B3GALT5: variants seen among roughly 807,000 people sequenced by gnomAD.
The protein encoded by B3GALT5 is UDP-Gal:betaGlcNAc beta 1,3-galactosyltransferase, polypeptide 5.
For synonymous variants in B3GALT5, 156 were observed against 158.6 expected, an observed-to-expected ratio of 0.98 and a Z score of 0.12; for missense variants, 328 against 396.6, an observed-to-expected ratio of 0.83 and a Z score of 1.47.
chr21:39,652,284 G>A (rs1187288075), intron 2 of B3GALT5, among the ~76,000 whole-genome samples: 1 of 152,220 alleles, frequency 6.6e-6, no homozygotes, highest in Non-Finnish European at 1.5e-5. Flanking sequence ...TATGGAAAGT[G>A]TACACCCTGT....
chr21:39,669,739 G>A lies in B3GALT5; in HGVS notation c.*8247G>A, dbSNP rs1020393937. 2.6e-5 allele frequency: 4 copies of A among 152,146 alleles called. No individual in the cohort carries two copies. Among genetic ancestry groups the A allele is most frequent in the Admixed American group, 6.5e-5 (1 of 15,276 alleles). 9.4% of individuals were successfully genotyped at this position (152,146 alleles called of 1,614,324 possible). A position where few individuals can be genotyped will look rare whatever the true frequency, so the allele number is the denominator to read the frequency against. On this transcript the variant is annotated 3_prime_UTR_variant, in exon 4 of 4. Transcript: ENST00000684187. Reference sequence around the variant, plus strand: ...GGGCAGGTGACTCAGTGACTTCCCCGGGGGCTCAGACGTGGTGGAGACACA... The same window carrying A: ...GGGCAGGTGACTCAGTGACTTCCCCAGGGGCTCAGACGTGGTGGAGACACA...
intron 1 of B3GALT5, among the ~76,000 whole-genome samples, chr21:39,636,797 C>T (rs1043980219): frequency 6.6e-6 from 1 of 152,044 alleles, no homozygotes; most frequent in African/African-American, 2.4e-5. Context: ...GCTTTGGTGG[C>T]GGTCAAATGG....
intron 1 of B3GALT5, among the ~76,000 whole-genome samples, chr21:39,643,446 C>A (rs191728690): frequency 2.0e-5 from 3 of 151,724 alleles, no homozygotes; most frequent in East Asian, 1.9e-4. Flanking sequence ...AAAAGAAAAG[C>A]AAAGCCTGTG....
intron 1 of B3GALT5, among the ~76,000 whole-genome samples, chr21:39,626,541 C>T (rs974219303): frequency 6.6e-6 from 1 of 152,134 alleles, no homozygotes; most frequent in Non-Finnish European, 1.5e-5. Flanking sequence ...TTTATATTCC[C>T]ACCAGCAGAG....
rs558639805 is a variant in B3GALT5, at chr21:39,662,577, A to C, written c.*1085A>C. The C allele has an allele frequency of 1.2e-5, 2 of 167,378 alleles. No individual in the cohort carries two copies. The highest frequency in any genetic ancestry group is 6.5e-5 in the Admixed American group (1 of 15,304). The allele number at this position is 167,378 out of a possible 1,614,324, so 10.4% of individuals were successfully genotyped here. On this transcript the variant is annotated 3_prime_UTR_variant, in exon 4 of 4. Coordinates refer to ENST00000684187, the MANE Select transcript of B3GALT5 (RefSeq NM_001356336.2). ...TGCGTCCACTTCCCAAGCCTGAGCC[A>C]AGCTCATCTTCATTGAATGTCTCAT...
chr21:39,623,711 C>T (rs2079149609), intron 1 of B3GALT5, among the ~76,000 whole-genome samples: 1 of 152,052 alleles, frequency 6.6e-6, no homozygotes, highest in African/African-American at 2.4e-5. Context: ...TGCCTTTCTC[C>T]ACATTAGCTT....
At chr21:39,649,475 A>G (rs997195393) in intron 2 of B3GALT5, among the ~76,000 whole-genome samples, 3 of 152,238 alleles carry the variant, frequency 2.0e-5, no homozygotes, top group African/African-American at 7.2e-5. Flanking sequence ...CCGTTAAAGA[A>G]AAGCCAGAGC....
rs1569212338 is a variant in B3GALT5 at position 39,639,397 on chromosome 21, T to C, written c.-391-6995T>C. Among the ~76,000 whole-genome samples, 687 of 87,106 alleles carry C rather than the reference T, an allele frequency of 7.9e-3. 15 individuals are homozygous for C. Among genetic ancestry groups the C allele is most frequent in the East Asian group, 0.019 (59 of 3,034 alleles). 57.1% of individuals were successfully genotyped at this position (87,106 alleles called of 152,430 possible). A position where few individuals can be genotyped will look rare whatever the true frequency, so the allele number is the denominator to read the frequency against. On this transcript the variant is annotated intron_variant, in intron 1 of 3. Coordinates refer to ENST00000684187, the MANE Select transcript of B3GALT5 (RefSeq NM_001356336.2). ...TTCCTTCCTTCCTTCCTTCCTTCTT[T>C]CTTTTTCTTTCTTTCTTTCTTTCTT...
At chr21:39,653,755 G>C (rs2146211026) in intron 2 of B3GALT5, among the ~76,000 whole-genome samples, 1 of 152,276 alleles carries the variant, frequency 6.6e-6, no homozygotes, top group Middle Eastern at 3.4e-3. Flanking sequence ...CTTTTAGTGG[G>C]GTCTAGATCT....
chr21:39,624,228 C>G (rs1039212674), intron 1 of B3GALT5, among the ~76,000 whole-genome samples: 2 of 152,212 alleles, frequency 1.3e-5, no homozygotes, highest in Admixed American at 6.5e-5. Context: ...TTCGCTCCCC[C>G]CATAAAACAT....
chr21:39,623,931 A>C (rs1356166303), intron 1 of B3GALT5, among the ~76,000 whole-genome samples: 1 of 152,110 alleles, frequency 6.6e-6, no homozygotes, highest in African/African-American at 2.4e-5. Context: ...GAGTAAGCCA[A>C]CCCTCTTCAT....
At chr21:39,635,998 C>A (rs1007038067) in intron 1 of B3GALT5, among the ~76,000 whole-genome samples, 33 of 152,194 alleles carry the variant, frequency 2.2e-4, no homozygotes, top group Non-Finnish European at 4.3e-4. Flanking sequence ...GTCCCAGCAA[C>A]TAAGATAGGA....
At chr21:39,649,533 G>C (rs2079374366) in intron 2 of B3GALT5, among the ~76,000 whole-genome samples, 1 of 152,214 alleles carries the variant, frequency 6.6e-6, no homozygotes, top group South Asian at 2.1e-4. Context: ...TATTGCAGTA[G>C]GGGAAAGAGA....
chr21:39,651,232 C>T (rs1322092973), intron 2 of B3GALT5, among the ~76,000 whole-genome samples: 4 of 152,186 alleles, frequency 2.6e-5, no homozygotes. Flanking sequence ...GTCTTAGTTC[C>T]CTGCGGCTGT....
In B3GALT5 at chr21:39,672,229, C is replaced by T. The variant is rs928625146; in HGVS notation, c.*10737C>T. Reference sequence around the variant, plus strand: ...AGGTCTGTTGGCTCAGGGGTCCAGTCCCTGGGTCCCCGAAGAGGTAAGCCA... The same window carrying T: ...AGGTCTGTTGGCTCAGGGGTCCAGTTCCTGGGTCCCCGAAGAGGTAAGCCA... On this transcript the variant is annotated 3_prime_UTR_variant, in exon 4 of 4. Transcript: ENST00000684187. 2 of 152,204 alleles carry T rather than the reference C, an allele frequency of 1.3e-5. No homozygotes were observed. The highest frequency in any genetic ancestry group is 2.9e-5 in the Non-Finnish European group (2 of 68,048). The allele number at this position is 152,204 out of a possible 1,614,324, so 9.4% of individuals were successfully genotyped here. A position where few individuals can be genotyped will look rare whatever the true frequency, so the allele number is the denominator to read the frequency against.
chr21:39,631,896 G>A (rs1225437124), intron 1 of B3GALT5, among the ~76,000 whole-genome samples: 1 of 152,190 alleles, frequency 6.6e-6, no homozygotes, highest in Non-Finnish European at 1.5e-5. Flanking sequence ...CATTTGGGCT[G>A]CATATGAAAG....
intron 1 of B3GALT5, among the ~76,000 whole-genome samples, chr21:39,637,667 CATTG>C (rs2079238255): frequency 6.6e-6 from 1 of 152,242 alleles, no homozygotes; most frequent in South Asian, 2.1e-4. Context: ...GAACAAAGGC[CATTG>C]ATTGATTAAC....
chr21:39,622,637 G>A (rs1443587835), intron 1 of B3GALT5, among the ~76,000 whole-genome samples: 2 of 151,966 alleles, frequency 1.3e-5, no homozygotes, highest in East Asian at 1.9e-4. Context: ...ATTTGAACTC[G>A]CATATAGGTA....
intron 1 of B3GALT5, among the ~76,000 whole-genome samples, chr21:39,639,343 TTTCTTTCCTTCCTTCCTTCC>T (rs1430692424): frequency 1.2e-5 from 1 of 86,826 alleles, no homozygotes; most frequent in East Asian, 3.4e-4. Context: ...TCTTTCTTTC[TTTCTTTCCTTCCTTCCTTCC>T]TTCCTTCCTT....
Sources: allele counts gnomAD v4.1 joint callset (sites outside exome capture counted in the v4.1 genomes callset), GRCh38; gene constraint gnomAD v4.1.1; transcripts MANE v1.5; gene names NCBI Gene and HGNC (gene_info 2026-07-23, HGNC 2026-07-21).